The following CCDC141 variants were observed in gnomAD, a reference collection of about 807,000 sequenced individuals.
The protein encoded by CCDC141 is coiled-coil domain-containing protein 141.
Under a neutral mutation model 181.0 loss-of-function variants are expected in CCDC141, and 168 were observed. The ratio of observed to expected loss-of-function variants is 0.93; its 90% CI spans 0.82 to 1.05. The LOEUF (loss-of-function observed/expected upper bound fraction) is 1.05. CCDC141 is among the 50% of genes least tolerant of loss of function. The probability of loss-of-function intolerance (pLI) is 0.00; values close to 1 mark genes in which losing one functional copy is unlikely to be tolerated. For missense variants in CCDC141, 1,902 were observed against 1,788.5 expected, an observed-to-expected ratio of 1.06 and a Z score of -1.14; for synonymous variants, 666 against 642.3, an observed-to-expected ratio of 1.04 and a Z score of -0.56.
chr2:178,834,979 T>C (rs1684419565), intron 23 of CCDC141, among the ~76,000 whole-genome samples: 1 of 152,034 alleles, frequency 6.6e-6, no homozygotes, highest in Non-Finnish European at 1.5e-5. Flanking sequence ...ATATTGCATA[T>C]GAAAATTCAG....
chr2:178,908,490 C>T (rs1688080921), intron 7 of CCDC141, among the ~76,000 whole-genome samples: 2 of 152,168 alleles, frequency 1.3e-5, no homozygotes, highest in African/African-American at 4.8e-5. Context: ...CCGCGCCCAG[C>T]CGAGGGTTAG....
chr2:178,837,723 G>C lies in CCDC141; in HGVS notation c.3496C>G (p.Leu1166Val). The stretch of plus-strand genomic sequence containing the variant: ...TCCCCTGTTCCATTGATGCCCAAAA[G>C]ATCTGCCACCTGCACCTGCCCCTTG... ...RNKGQVQVADLLGINGTGEER... is the reference protein window; with the variant it reads ...RNKGQVQVADVLGINGTGEER... Residue 1166 changes from leucine to valine, a missense_variant, in exon 23 of 24, where the codon CTT (leucine) becomes GTT (valine). Coordinates refer to ENST00000443758, the MANE Select transcript of CCDC141 (RefSeq NM_173648.4). The C allele has an allele frequency of 6.2e-7, 1 of 1,611,530 alleles. No homozygotes were observed. Among genetic ancestry groups the C allele is most frequent in the Non-Finnish European group, 8.5e-7 (1 of 1,178,740 alleles).
In CCDC141 at chr2:178,936,431, C is replaced by T. The variant is rs190702202; in HGVS notation, c.897+8104G>A. 1.2e-3 allele frequency among the ~76,000 whole-genome samples: 188 copies of T among 152,094 alleles called. 2 individuals are homozygous for T. In the Middle Eastern group the frequency reaches 0.02, roughly 17 times the overall value. ...AGGTTTGCGGCCTTATTTCTGGATT[C>T]CCTATTCTGTTTCATTGGTCTATGT... is the stretch of plus-strand genomic sequence containing the variant. On this transcript the variant is annotated intron_variant, in intron 6 of 23. Coordinates refer to ENST00000443758, the MANE Select transcript of CCDC141 (RefSeq NM_173648.4).
At chr2:178,935,858 C>CT (rs1003632325) in intron 6 of CCDC141, among the ~76,000 whole-genome samples, 1 of 151,724 alleles carries the variant, frequency 6.6e-6, no homozygotes. Context: ...TGATATTGAG[C>CT]TTTTTTTTCA....
At chr2:178,996,416 T>A (rs1299240486) in intron 2 of CCDC141, among the ~76,000 whole-genome samples, 5 of 152,182 alleles carry the variant, frequency 3.3e-5, no homozygotes, top group Middle Eastern at 6.8e-3. Context: ...GAGGGAAGAA[T>A]AAGAAATAAC....
chr2:179,025,729 T>G (rs985448646), intron 2 of CCDC141, among the ~76,000 whole-genome samples: 3 of 152,148 alleles, frequency 2.0e-5, no homozygotes. Flanking sequence ...TGGAAGAGTT[T>G]GGAGGGCTCA....
intron 6 of CCDC141, among the ~76,000 whole-genome samples, chr2:178,923,395 C>T (rs1005437631): frequency 1.3e-5 from 2 of 152,274 alleles, no homozygotes; most frequent in Admixed American, 6.5e-5. Flanking sequence ...TGAGCCACCG[C>T]GCCCGGCCCC....
chr2:178,973,774 G>A (rs1342146627), intron 4 of CCDC141, among the ~76,000 whole-genome samples: 1 of 152,160 alleles, frequency 6.6e-6, no homozygotes, highest in Non-Finnish European at 1.5e-5. Flanking sequence ...GTTTCTGGAG[G>A]TAAAACTGCT....
At chr2:178,980,856 T>A (rs1488906024) in intron 2 of CCDC141, among the ~76,000 whole-genome samples, 1 of 152,150 alleles carries the variant, frequency 6.6e-6, no homozygotes, top group Non-Finnish European at 1.5e-5. Context: ...TTTTTAGTTG[T>A]CAATTATACC....
Position 178,981,636 on chromosome 2 carries a change from G to GTATATATA in CCDC141, c.226-2969_226-2962dup, listed in dbSNP as rs1193430874. Among the ~76,000 whole-genome samples the GTATATATA allele has an allele frequency of 3.1e-3, 193 of 62,314 alleles. 13 individuals are homozygous for GTATATATA. The East Asian group carries it at 0.041, about 13-fold the overall frequency. The allele number at this position is 62,314 out of a possible 152,430, so 40.9% of individuals were successfully genotyped here. ...TTTGTAGCATTGAATGTGTGTGTGT[G>GTATATATA]TATATATATATATATATATATACAT... On this transcript the variant is annotated intron_variant, in intron 2 of 23. Transcript: ENST00000443758.
chr2:178,980,931 CT>C (rs774669423), intron 2 of CCDC141, among the ~76,000 whole-genome samples: 1 of 152,058 alleles, frequency 6.6e-6, no homozygotes, highest in Admixed American at 6.6e-5. Context: ...TAACACTAGT[CT>C]GAAGAAAGCT....
rs749821422 is a variant in CCDC141, at chr2:178,868,254, A to ATT, written c.2395-51_2395-50dup. On this transcript the variant is annotated intron_variant, in intron 15 of 23. Transcript: ENST00000443758. ...TAACCTGGGTTTTATATGAAGACAA[A>ATT]TTTTTTTTTAAGCCTAATTTCTATA... is the stretch of plus-strand genomic sequence containing the variant. The ATT allele has an allele frequency of 1.8e-5, 26 of 1,428,498 alleles. No homozygotes were observed. In the South Asian group the frequency reaches 1.9e-4, roughly 10 times the overall value. 88.5% of individuals were successfully genotyped at this position (1,428,498 alleles called of 1,614,324 possible).
At chr2:179,038,863 C>G (rs2043214992) in intron 2 of CCDC141, among the ~76,000 whole-genome samples, 1 of 152,144 alleles carries the variant, frequency 6.6e-6, no homozygotes, top group Non-Finnish European at 1.5e-5. Context: ...AGGAGGTTTT[C>G]TTGACTCTTA....
chr2:179,047,119 T>C (rs1212248446), intron 2 of CCDC141, among the ~76,000 whole-genome samples, 165 bp downstream of exon 2: 2 of 152,378 alleles, frequency 1.3e-5, no homozygotes, highest in South Asian at 2.1e-4. Context: ...TTGTTACTTC[T>C]CTCTGATGCT....
intron 23 of CCDC141, among the ~76,000 whole-genome samples, chr2:178,835,345 T>C (rs1485136507): frequency 1.3e-5 from 2 of 152,230 alleles, no homozygotes; most frequent in Non-Finnish European, 2.9e-5. Flanking sequence ...TTTATGCAAC[T>C]GTATTATGAC....
intron 4 of CCDC141, among the ~76,000 whole-genome samples, chr2:178,972,053 C>A (rs1046285985): frequency 5.3e-5 from 8 of 151,498 alleles, no homozygotes; most frequent in African/African-American, 1.5e-4. Flanking sequence ...TGAACATGTA[C>A]CCCAGAACTT....
chr2:179,031,337 T>A (rs888360524), intron 2 of CCDC141, among the ~76,000 whole-genome samples: 1 of 151,948 alleles, frequency 6.6e-6, no homozygotes, highest in Non-Finnish European at 1.5e-5. Context: ...ATCTGTGGGG[T>A]TTATAGTGAT....
chr2:178,907,862 G>A (rs1688044411), intron 7 of CCDC141, among the ~76,000 whole-genome samples: 1 of 152,098 alleles, frequency 6.6e-6, no homozygotes, highest in Non-Finnish European at 1.5e-5. Context: ...AGCCAGGTGT[G>A]GTAGCACGTG....
At chr2:179,026,003 T>G (rs1489486537) in intron 2 of CCDC141, among the ~76,000 whole-genome samples, 1 of 152,130 alleles carries the variant, frequency 6.6e-6, no homozygotes, top group African/African-American at 2.4e-5. Context: ...AAGAGATGAA[T>G]TGGGTGCTGT....
Sources: allele counts gnomAD v4.1 joint callset (sites outside exome capture counted in the v4.1 genomes callset), GRCh38; gene constraint gnomAD v4.1.1; transcripts MANE v1.5; gene names NCBI Gene and HGNC (gene_info 2026-07-23, HGNC 2026-07-21).